The following GRM7 variants were observed in gnomAD, a reference collection of about 807,000 sequenced individuals.
GRM7 encodes glutamate metabotropic receptor 7, also known as metabotropic glutamate receptor 7.
GRM7 carries 35 observed loss-of-function variants against 84.5 expected under a neutral mutation model. The observed-to-expected ratio is 0.41, with a 90% confidence interval of 0.32 to 0.55. The LOEUF (loss-of-function observed/expected upper bound fraction) is 0.55, where lower values mean the gene tolerates loss of function less well. Ranked by LOEUF, GRM7 falls within the 20% of genes least tolerant of loss-of-function variation. GRM7 has a pLI of 0.19. For missense variants in GRM7, 1,003 were observed against 1,194.6 expected, an observed-to-expected ratio of 0.84 and a Z score of 2.36; for synonymous variants, 487 against 455.1, an observed-to-expected ratio of 1.07 and a Z score of -0.89.
intron 1 of GRM7, among the ~76,000 whole-genome samples, chr3:7,077,411 A>T (rs1285696063): frequency 1.3e-5 from 2 of 152,146 alleles, no homozygotes; most frequent in African/African-American, 4.8e-5. Flanking sequence ...GGATGAGTTC[A>T]TGTGCTTTGC....
intron 7 of GRM7, chr3:7,535,108 T>G (rs902634393): frequency 1.3e-5 from 2 of 152,174 alleles, no homozygotes; most frequent in African/African-American, 4.8e-5. Flanking sequence ...CCTATGTGTC[T>G]TTTTAAAGTG....
At position 7,566,322 on chromosome 3, in the gene GRM7, G is replaced by A. The variant is rs1464048762; in HGVS notation, c.1516-12100G>A. ...TTTTGACCCATAGGCCAGCTTGTCA[G>A]CCCCTGGTACAGAATATGAGTCCAG... On this transcript the variant is annotated intron_variant, in intron 7 of 9. Transcript: ENST00000357716. Among the ~76,000 whole-genome samples, 3 of 152,064 alleles carry A rather than the reference G, an allele frequency of 2.0e-5. No individual in the cohort carries two copies. The East Asian group carries it at 5.8e-4, about 29-fold the overall frequency.
intron 1 of GRM7, among the ~76,000 whole-genome samples, chr3:7,067,002 G>A (rs992166628): frequency 6.6e-6 from 1 of 151,786 alleles, no homozygotes; most frequent in South Asian, 2.1e-4. Context: ...TCAGCAAAAT[G>A]GCATACAAAG....
At chr3:6,907,554 C>G (rs1365415384) in intron 1 of GRM7, among the ~76,000 whole-genome samples, 1 of 152,032 alleles carries the variant, frequency 6.6e-6, no homozygotes, top group African/African-American at 2.4e-5. Flanking sequence ...TATCAGGAAC[C>G]TGAAAATCAT....
At chr3:7,680,531 T>C in intron 9 of GRM7, 1 of 512,060 alleles carries the variant, frequency 2.0e-6, no homozygotes, top group Non-Finnish European at 3.5e-6. Context: ...GTGTGAAGCC[T>C]CCCCCTTCCC....
chr3:7,382,133 A>C (rs1000317166), intron 4 of GRM7, among the ~76,000 whole-genome samples: 2 of 152,190 alleles, frequency 1.3e-5, no homozygotes, highest in East Asian at 3.9e-4. Flanking sequence ...TCTAAAAAAA[A>C]TTCTGCTTAC....
At chr3:7,070,901 C>A (rs1043134894) in intron 1 of GRM7, among the ~76,000 whole-genome samples, 3 of 152,058 alleles carry the variant, frequency 2.0e-5, no homozygotes, top group Admixed American at 6.6e-5. Context: ...CATGGGTGGT[C>A]AACTGGTTCA....
At chr3:6,887,662 G>T (rs1574971177) in intron 1 of GRM7, among the ~76,000 whole-genome samples, 2 of 152,196 alleles carry the variant, frequency 1.3e-5, no homozygotes, top group South Asian at 4.1e-4. Flanking sequence ...CCAAGTCTTT[G>T]CTATTGTGAA....
intron 7 of GRM7, among the ~76,000 whole-genome samples, chr3:7,511,948 C>T (rs189926785): frequency 9.9e-5 from 15 of 152,110 alleles, no homozygotes; most frequent in Admixed American, 3.3e-4. Context: ...TTGAGAGAAG[C>T]CTGGGCCACA....
At chr3:7,370,583 T>A (rs555177838) in intron 4 of GRM7, among the ~76,000 whole-genome samples, 1 of 152,200 alleles carries the variant, frequency 6.6e-6, no homozygotes, top group Admixed American at 6.6e-5. Flanking sequence ...TTCAGGTATA[T>A]CTTTATCAGC....
intron 7 of GRM7, among the ~76,000 whole-genome samples, chr3:7,568,458 G>A (rs1049571681): frequency 3.9e-5 from 6 of 152,238 alleles, no homozygotes; most frequent in African/African-American, 4.8e-5. Context: ...GCCCTCACTC[G>A]CTCTCGGCGC....
chr3:7,696,051 A>AAATT (rs1701004352), intron 9 of GRM7, among the ~76,000 whole-genome samples: 1 of 152,188 alleles, frequency 6.6e-6, no homozygotes, highest in Non-Finnish European at 1.5e-5. Flanking sequence ...TTATCACAAA[A>AAATT]AATTAAATAG....
At chr3:7,732,688 T>C (rs764346135) in intron 9 of GRM7, among the ~76,000 whole-genome samples, 1 of 152,212 alleles carries the variant, frequency 6.6e-6, no homozygotes, top group Non-Finnish European at 1.5e-5. Context: ...TAAATAATCA[T>C]AGACATTCTG....
intron 1 of GRM7, among the ~76,000 whole-genome samples, chr3:7,068,778 T>C (rs1016213727): frequency 6.6e-6 from 1 of 151,954 alleles, no homozygotes; most frequent in Admixed American, 6.6e-5. Flanking sequence ...TATGCCTCTC[T>C]TTTCAGTTTC....
intron 1 of GRM7, among the ~76,000 whole-genome samples, chr3:7,095,041 C>T (rs1469914277): frequency 6.6e-6 from 1 of 151,040 alleles, no homozygotes; most frequent in Non-Finnish European, 1.5e-5. Context: ...AATTTCTTAT[C>T]CCTCTCCTAC....
At chr3:7,547,495 C>T (rs901216931) in intron 7 of GRM7, among the ~76,000 whole-genome samples, 8 of 152,070 alleles carry the variant, frequency 5.3e-5, no homozygotes, top group South Asian at 2.1e-4. Flanking sequence ...CGTGGGCCAC[C>T]GCAAGGCCAA....
At chr3:7,120,876 A>G (rs1693194226) in intron 1 of GRM7, among the ~76,000 whole-genome samples, 1 of 152,190 alleles carries the variant, frequency 6.6e-6, no homozygotes, top group Non-Finnish European at 1.5e-5. Context: ...TATGAAATTC[A>G]AGTTAAAGGG....
At chr3:7,154,241 C>T (rs1025606807) in intron 2 of GRM7, among the ~76,000 whole-genome samples, 1 of 152,142 alleles carries the variant, frequency 6.6e-6, no homozygotes, top group African/African-American at 2.4e-5. Flanking sequence ...CATATTGTTT[C>T]TCTGGGTTGG....
chr3:6,942,624 A>T (rs1278506173), intron 1 of GRM7, among the ~76,000 whole-genome samples: 1 of 152,088 alleles, frequency 6.6e-6, no homozygotes, highest in Admixed American at 6.6e-5. Context: ...TTTGTTCCAT[A>T]TACTTGTTGA....
Sources: gnomAD v4.1 joint callset for allele counts (sites outside exome capture counted in the v4.1 genomes callset) on GRCh38, gnomAD v4.1.1 for gene constraint, MANE v1.5 for transcripts, NCBI Gene and HGNC (gene_info 2026-07-23, HGNC 2026-07-21) for gene names.